SPOCK1: variants seen among roughly 807,000 people sequenced by gnomAD.
SPOCK1 encodes the protein SPARC (osteonectin), cwcv and kazal like domains proteoglycan 1.
A neutral mutation model predicts 55.3 loss-of-function variants in SPOCK1; 23 were observed. That is an observed-to-expected ratio of 0.42 (90% CI 0.30 to 0.59). The LOEUF (loss-of-function observed/expected upper bound fraction) is 0.59. SPOCK1 is among the 20% of genes least tolerant of loss of function. The pLI, the probability that SPOCK1 is intolerant of heterozygous loss-of-function variation, is 0.22. For missense variants in SPOCK1, 499 were observed against 552.5 expected (o/e 0.90, Z 0.97); for synonymous variants, 226 against 221.0 (o/e 1.02, Z -0.20).
intron 2 of SPOCK1, among the ~76,000 whole-genome samples, chr5:137,339,065 A>G (rs573731560): frequency 6.6e-6 from 1 of 152,330 alleles, no homozygotes; most frequent in African/African-American, 2.4e-5. Flanking sequence ...TATAGTCAGA[A>G]GTGTACACCA....
chr5:137,380,133 C>T (rs911912906), intron 2 of SPOCK1, among the ~76,000 whole-genome samples: 3 of 152,288 alleles, frequency 2.0e-5, no homozygotes, highest in East Asian at 1.9e-4. Flanking sequence ...GTGTGAATCA[C>T]GCTCCATCTA....
intron 3 of SPOCK1, among the ~76,000 whole-genome samples, chr5:137,160,514 TATATATATAATATATAAAAATATATA>T (rs1561631477): frequency 6.7e-5 from 5 of 74,690 alleles, no homozygotes; most frequent in Admixed American, 4.2e-4. Context: ...TATATACACA[TATATATATAATATATAAAAATATATA>T]ATATATATAA....
intron 6 of SPOCK1, among the ~76,000 whole-genome samples, chr5:137,020,008 T>C (rs550324815): frequency 6.8e-4 from 104 of 152,012 alleles, no homozygotes; most frequent in African/African-American, 2.5e-3. Flanking sequence ...AAGTAAAGTA[T>C]GCATGCCAAA....
intron 2 of SPOCK1, among the ~76,000 whole-genome samples, chr5:137,433,270 G>C (rs1752787848): frequency 6.6e-6 from 1 of 152,224 alleles, no homozygotes; most frequent in Non-Finnish European, 1.5e-5. Context: ...GCAGCAATGT[G>C]AGCAGAGACA....
chr5:137,043,644 G>C (rs1752044871), intron 6 of SPOCK1, among the ~76,000 whole-genome samples: 1 of 152,060 alleles, frequency 6.6e-6, no homozygotes, highest in South Asian at 2.1e-4. Flanking sequence ...GTGGATCTTG[G>C]GGGTTCTTCC....
At chr5:137,066,273 G>A (rs1752503518) in intron 6 of SPOCK1, among the ~76,000 whole-genome samples, 1 of 152,092 alleles carries the variant, frequency 6.6e-6, no homozygotes, top group African/African-American at 2.4e-5. Context: ...TGAGTAGCTG[G>A]GATTACAGGC....
intron 2 of SPOCK1, among the ~76,000 whole-genome samples, chr5:137,286,744 C>T (rs973253003): frequency 6.6e-5 from 10 of 152,126 alleles, no homozygotes; most frequent in African/African-American, 1.7e-4. Context: ...TACCAAGTCT[C>T]GGCCACAAGG....
At chr5:137,042,287 C>T (rs1180151792) in intron 6 of SPOCK1, among the ~76,000 whole-genome samples, 2 of 151,976 alleles carry the variant, frequency 1.3e-5, no homozygotes, top group African/African-American at 4.8e-5. Context: ...CAGTGGTTCC[C>T]AGGGTTTTGA....
intron 2 of SPOCK1, among the ~76,000 whole-genome samples, chr5:137,359,614 G>A (rs1019281886): frequency 3.3e-5 from 5 of 152,208 alleles, no homozygotes; most frequent in Non-Finnish European, 7.3e-5. Context: ...TGCAAATTGT[G>A]TTAGTTTCTG....
intron 2 of SPOCK1, among the ~76,000 whole-genome samples, chr5:137,469,221 C>T (rs1302543006): frequency 1.3e-5 from 2 of 152,170 alleles, no homozygotes; most frequent in African/African-American, 2.4e-5. Flanking sequence ...GGGCTTGATA[C>T]AAAGGATGTT....
chr5:137,383,936 G>C (rs1751537047), intron 2 of SPOCK1, among the ~76,000 whole-genome samples: 1 of 152,150 alleles, frequency 6.6e-6, no homozygotes. Flanking sequence ...TTCTTTCAAG[G>C]ACCACAAAAG....
intron 2 of SPOCK1, among the ~76,000 whole-genome samples, chr5:137,356,876 G>GAGAGAGAGAGAT (rs1385760545): frequency 7.8e-6 from 1 of 128,914 alleles, no homozygotes; most frequent in Non-Finnish European, 1.7e-5. Context: ...GAGAGAGAGA[G>GAGAGAGAGAGAT]TATGCAGACC....
chr5:137,338,905 A>T (rs1750351584), intron 2 of SPOCK1, among the ~76,000 whole-genome samples: 1 of 152,202 alleles, frequency 6.6e-6, no homozygotes, highest in Non-Finnish European at 1.5e-5. Flanking sequence ...TATTTCAAAG[A>T]TTAAGTCAAG....
chr5:136,984,321 A>C (rs1750797254), intron 9 of SPOCK1, among the ~76,000 whole-genome samples: 1 of 152,220 alleles, frequency 6.6e-6, no homozygotes, highest in Non-Finnish European at 1.5e-5. Flanking sequence ...CTTCAAATGA[A>C]TAGAGAAACT....
intron 3 of SPOCK1, among the ~76,000 whole-genome samples, chr5:137,218,057 G>A (rs1755754828): frequency 6.6e-6 from 1 of 152,142 alleles, no homozygotes; most frequent in Non-Finnish European, 1.5e-5. Context: ...AGGCAGACAT[G>A]GCTAATCAAT....
chr5:136,984,385 A>G (rs1750799401), intron 9 of SPOCK1, among the ~76,000 whole-genome samples: 1 of 65,232 alleles, frequency 1.5e-5, no homozygotes, highest in Admixed American at 1.4e-4. Context: ...GCTTCACGGG[A>G]ATAATTCTGT....
chr5:137,121,466 A>C (rs1341472022), intron 4 of SPOCK1, among the ~76,000 whole-genome samples: 1 of 151,710 alleles, frequency 6.6e-6, no homozygotes, highest in Admixed American at 6.6e-5. Flanking sequence ...TGAACTTGCC[A>C]GATCACAATC....
At chr5:137,188,085 C>G (rs1337656956) in intron 3 of SPOCK1, among the ~76,000 whole-genome samples, 4 of 152,188 alleles carry the variant, frequency 2.6e-5, no homozygotes, top group Admixed American at 1.3e-4. Context: ...TGAGCATCAG[C>G]CCAGGCAAGT....
intron 3 of SPOCK1, among the ~76,000 whole-genome samples, chr5:137,256,194 AG>A (rs776936118): frequency 7.2e-5 from 11 of 152,138 alleles, no homozygotes; most frequent in Non-Finnish European, 1.6e-4. Context: ...TGCATGTATG[AG>A]GGCATGGGCT....
Sources: allele counts gnomAD v4.1 joint callset (sites outside exome capture counted in the v4.1 genomes callset), GRCh38; gene constraint gnomAD v4.1.1; transcripts MANE v1.5; gene names NCBI Gene and HGNC (gene_info 2026-07-23, HGNC 2026-07-21).